Variants in NEO1 observed in about 807,000 individuals in gnomAD.
The protein encoded by NEO1 is neogenin.
In NEO1, 63 loss-of-function variants were observed where a neutral mutation model predicts 159.7. That is an observed-to-expected ratio of 0.39 (90% CI 0.32 to 0.49). The LOEUF (loss-of-function observed/expected upper bound fraction) is 0.49, where lower values mean the gene tolerates loss of function less well. Ranked by LOEUF, NEO1 falls within the 20% of genes least tolerant of loss-of-function variation. The pLI is 0.85. For synonymous variants in NEO1, 633 were observed against 662.0 expected (o/e 0.96, Z 0.67); for missense variants, 1,615 against 1,831.0 (o/e 0.88, Z 2.15).
At chr15:73,123,946 T>C (rs1284678500) in intron 3 of NEO1, among the ~76,000 whole-genome samples, 1 of 152,156 alleles carries the variant, frequency 6.6e-6, no homozygotes, top group Non-Finnish European at 1.5e-5. Flanking sequence ...TAAATGTAGG[T>C]TCTTTTTTTG....
chr15:73,196,070 C>G (rs1480814009), intron 7 of NEO1, among the ~76,000 whole-genome samples: 1 of 152,092 alleles, frequency 6.6e-6, no homozygotes, highest in Non-Finnish European at 1.5e-5. Flanking sequence ...TGCTTTTTGT[C>G]TTCCTCCTTT....
At chr15:73,244,622 T>C in intron 9 of NEO1, 124 bp downstream of exon 9, 1 of 1,076,932 alleles carries the variant, frequency 9.3e-7, no homozygotes, top group South Asian at 2.1e-5. Flanking sequence ...GGGGTCCTTA[T>C]CAATTAGGGG....
At chr15:73,206,842 TGTG>T in intron 7 of NEO1, among the ~76,000 whole-genome samples, 1 of 150,786 alleles carries the variant, frequency 6.6e-6, no homozygotes, top group Non-Finnish European at 1.5e-5. Flanking sequence ...TGTATGTGTG[TGTG>T]TGCGTGTGTG....
chr15:73,129,166 A>G (rs934818859), intron 4 of NEO1, among the ~76,000 whole-genome samples: 3 of 152,210 alleles, frequency 2.0e-5, no homozygotes, highest in Non-Finnish European at 4.4e-5. Context: ...GGTGGCCAAT[A>G]TATTTAGCTT....
intron 1 of NEO1, among the ~76,000 whole-genome samples, chr15:73,104,991 A>G (rs2070608806): frequency 1.3e-5 from 2 of 152,198 alleles, no homozygotes; most frequent in South Asian, 2.1e-4. Flanking sequence ...TTGGGCAGGG[A>G]CACAGACCCA....
At chr15:73,178,827 A>G (rs1453696749) in intron 7 of NEO1, among the ~76,000 whole-genome samples, 2 of 152,202 alleles carry the variant, frequency 1.3e-5, no homozygotes, top group Non-Finnish European at 2.9e-5. Flanking sequence ...CTTTGGAAGC[A>G]GAGCTCATTG....
intron 19 of NEO1, among the ~76,000 whole-genome samples, chr15:73,272,835 A>G (rs956513522): frequency 6.6e-6 from 1 of 152,002 alleles, no homozygotes; most frequent in Non-Finnish European, 1.5e-5. Context: ...CTTTGTAGAC[A>G]TTTATTTTCC....
At chr15:73,285,718 C>T (rs2041919166) in intron 23 of NEO1, among the ~76,000 whole-genome samples, 1 of 152,160 alleles carries the variant, frequency 6.6e-6, no homozygotes, top group African/African-American at 2.4e-5. Flanking sequence ...TGGTTCTCAG[C>T]ACATTCCCCC....
chr15:73,295,302 A>C (rs1003928929), intron 26 of NEO1, among the ~76,000 whole-genome samples: 6 of 151,668 alleles, frequency 4.0e-5, no homozygotes, highest in Non-Finnish European at 8.8e-5. Context: ...GAGGACCAGA[A>C]AGCAGCCTCC....
chr15:73,175,158 C>T (rs975564396), intron 5 of NEO1, among the ~76,000 whole-genome samples: 4 of 152,168 alleles, frequency 2.6e-5, no homozygotes, highest in Middle Eastern at 3.2e-3. Context: ...TACTCACATA[C>T]AAGCATGATT....
Position 73,271,289 on chromosome 15 carries a change from G to A in NEO1, c.2857+835G>A, listed in dbSNP as rs143455757. On this transcript the variant is annotated intron_variant, in intron 18 of 28. Transcript: ENST00000261908. ...TTTTTACTTCAATCCTAACCCATTA[G>A]ATAACAAATGAGATTGTGTTTTCCC... 6.6e-5 allele frequency among the ~76,000 whole-genome samples: 10 copies of A among 152,330 alleles called. No homozygotes were observed. The East Asian group carries it at 1.9e-3, about 29-fold the overall frequency.
intron 7 of NEO1, among the ~76,000 whole-genome samples, chr15:73,213,443 C>T (rs1452611493): frequency 6.6e-6 from 1 of 152,112 alleles, no homozygotes; most frequent in African/African-American, 2.4e-5. Flanking sequence ...CTCCCCAAGT[C>T]CCCAAAGTCC....
intron 1 of NEO1, among the ~76,000 whole-genome samples, chr15:73,088,215 A>G (rs1301288327): frequency 6.6e-6 from 1 of 151,972 alleles, no homozygotes; most frequent in Non-Finnish European, 1.5e-5. Context: ...ATATATATCA[A>G]GGGGTTAGCA....
intron 7 of NEO1, among the ~76,000 whole-genome samples, chr15:73,188,487 T>C (rs2036060228): frequency 6.6e-6 from 1 of 152,134 alleles, no homozygotes; most frequent in Non-Finnish European, 1.5e-5. Context: ...CATCATAAGG[T>C]TGTACTATAA....
At chr15:73,234,030 C>G (rs1035624791) in intron 7 of NEO1, among the ~76,000 whole-genome samples, 1 of 152,156 alleles carries the variant, frequency 6.6e-6, no homozygotes, top group African/African-American at 2.4e-5. Flanking sequence ...TGGGCTCTTT[C>G]CGGTATGCTC....
intron 15 of NEO1, among the ~76,000 whole-genome samples, chr15:73,264,948 C>A (rs1190293569): frequency 6.6e-6 from 1 of 152,052 alleles, no homozygotes; most frequent in Non-Finnish European, 1.5e-5. Flanking sequence ...GTTCACGGTG[C>A]TGAGGGAGAG....
chr15:73,269,433 T>C (rs1422544505), intron 16 of NEO1, among the ~76,000 whole-genome samples: 1 of 152,202 alleles, frequency 6.6e-6, no homozygotes, highest in Non-Finnish European at 1.5e-5. Flanking sequence ...CAATCTCAGC[T>C]CACCGCAGCC....
chr15:73,158,046 T>A (rs1567338963), intron 5 of NEO1, among the ~76,000 whole-genome samples: 1 of 151,882 alleles, frequency 6.6e-6, no homozygotes, highest in Non-Finnish European at 1.5e-5. Flanking sequence ...TGAAACCCCA[T>A]CTCTACTAAA....
rs776526474 is a variant in NEO1 at position 73,116,565 on chromosome 15, A to G, written c.156A>G (p.Pro52=). The change falls in exon 2 of 29, where the codon CCA becomes CCG. Residue 52 remains proline, a synonymous_variant. Transcript: ENST00000261908. ...GAGCCAGCATTCGAACGTTCACTCCATTTTATTTTCTGGTGGAGCCGGTGG... is the reference window on the plus strand; with the variant it reads ...GAGCCAGCATTCGAACGTTCACTCCGTTTTATTTTCTGGTGGAGCCGGTGG... The part of the protein sequence containing the change: ...SPGASIRTFT[P]FYFLVEPVDT... The G allele has an allele frequency of 4.5e-6, 7 of 1,542,966 alleles. No homozygotes were observed. Among genetic ancestry groups the G allele is most frequent in the Non-Finnish European group, 4.3e-6 (5 of 1,150,830 alleles).
Sources: allele counts gnomAD v4.1 joint callset (sites outside exome capture counted in the v4.1 genomes callset), GRCh38; gene constraint gnomAD v4.1.1; transcripts MANE v1.5; gene names NCBI Gene and HGNC (gene_info 2026-07-23, HGNC 2026-07-21).